Variants in ITPR2 observed in about 807,000 individuals in gnomAD.
The protein encoded by ITPR2 is inositol 1,4,5-trisphosphate receptor type 2.
In ITPR2, 207 loss-of-function variants were observed where a neutral mutation model predicts 317.1. The ratio of observed to expected loss-of-function variants is 0.65; its 90% confidence interval spans 0.58 to 0.73. ITPR2 has a LOEUF of 0.73. Ranked by LOEUF, ITPR2 falls within the 30% of genes least tolerant of loss-of-function variation. ITPR2 has a pLI of 0.00. For missense variants in ITPR2, 2,613 were observed against 3,284.0 expected, an observed-to-expected ratio of 0.80 and a Z score of 4.99; for synonymous variants, 1,156 against 1,149.1, an observed-to-expected ratio of 1.01 and a Z score of -0.12.
intron 10 of ITPR2, among the ~76,000 whole-genome samples, 153 bp from the exon 11 acceptor site, chr12:26,686,785 G>A (rs193163775): frequency 7.9e-5 from 12 of 152,276 alleles, no homozygotes; most frequent in Admixed American, 5.2e-4. Flanking sequence ...GCTCTAGCCC[G>A]ACAGCCATTG....
At chr12:26,656,580 C>CT in intron 18 of ITPR2, 32 bp from the exon 19 acceptor site, 5 of 1,608,580 alleles carry the variant, frequency 3.1e-6, no homozygotes, top group Non-Finnish European at 4.3e-6. Flanking sequence ...ACATTATTGT[C>CT]TTATCTCAAG....
intron 26 of ITPR2, among the ~76,000 whole-genome samples, chr12:26,616,584 C>T (rs1303150223): frequency 6.6e-6 from 1 of 151,970 alleles, no homozygotes; most frequent in Non-Finnish European, 1.5e-5. Context: ...AAAATTATAC[C>T]ACCAATTTTT....
chr12:26,765,064 C>T (rs554695655), intron 2 of ITPR2, among the ~76,000 whole-genome samples: 67 of 152,110 alleles, frequency 4.4e-4, no homozygotes, highest in South Asian at 1.4e-3. Context: ...TGTCAGACAA[C>T]AAGGAAGCTC....
In ITPR2 at chr12:26,415,328, C is replaced by G. The variant is rs867726500; in HGVS notation, c.7281G>C (p.Arg2427Ser). 1 of 1,601,930 alleles carries G rather than the reference C, an allele frequency of 6.2e-7. No individual in the cohort carries two copies. The highest frequency in any genetic ancestry group is 8.5e-7 in the Non-Finnish European group (1 of 1,174,906). The change falls in exon 51 of 57, where the codon AGG becomes AGC. Residue 2427 changes from arginine (R) to serine (S), a missense_variant. Coordinates refer to ENST00000381340, the MANE Select transcript of ITPR2 (RefSeq NM_002223.4). ...CTGTAACAGGAGTTCGGTTTTTCAG[C>G]CTATCAACTTCCATAGTGAAGTCAT... Reference protein sequence around the residue: ...LKDDFTMEVDRLKNRTPVTGS... With the variant: ...LKDDFTMEVDSLKNRTPVTGS...
intron 25 of ITPR2, among the ~76,000 whole-genome samples, chr12:26,621,825 AG>A (rs1406004140): frequency 1.3e-5 from 2 of 152,220 alleles, no homozygotes; most frequent in Non-Finnish European, 2.9e-5. Flanking sequence ...AAGACCACAA[AG>A]AAAAAGATTA....
chr12:26,613,257 G>T (rs1482023261), intron 26 of ITPR2, among the ~76,000 whole-genome samples: 3 of 152,036 alleles, frequency 2.0e-5, no homozygotes, highest in African/African-American at 7.3e-5. Flanking sequence ...CATTCATGTT[G>T]CCCCAAACCC....
chr12:26,772,569 A>AATACAT (rs1949889513), intron 2 of ITPR2, among the ~76,000 whole-genome samples: 1 of 141,780 alleles, frequency 7.1e-6, no homozygotes. Context: ...TATTATATAT[A>AATACAT]TATATGTATC....
In ITPR2 at chr12:26,578,696, C is replaced by T; in HGVS notation, c.4630+17G>A. 4 of 1,572,476 alleles carry T rather than the reference C, an allele frequency of 2.5e-6. No individual in the cohort carries two copies. Among genetic ancestry groups the T allele is most frequent in the Non-Finnish European group, 3.5e-6 (4 of 1,151,454 alleles). On this transcript the variant is annotated intron_variant, in intron 34 of 56. Transcript: ENST00000381340. ...TCAAGAAATGTAAAAATAAGTAAAA[C>T]TCAAACTATGACTTACCCACTTCAG... is the stretch of plus-strand genomic sequence containing the variant.
chr12:26,603,313 C>T (rs1946047817), intron 26 of ITPR2, among the ~76,000 whole-genome samples: 1 of 152,046 alleles, frequency 6.6e-6, no homozygotes, highest in South Asian at 2.1e-4. Flanking sequence ...ATTAATAAAG[C>T]TTATTAAGAA....
At chr12:26,745,674 C>CAGAGAGAA (rs1949309046) in intron 2 of ITPR2, among the ~76,000 whole-genome samples, 1 of 152,096 alleles carries the variant, frequency 6.6e-6, no homozygotes, top group Non-Finnish European at 1.5e-5. Flanking sequence ...TACTTGGTTT[C>CAGAGAGAA]AGAGAGACAG....
At position 26,628,068 on chromosome 12, in the gene ITPR2, G is replaced by A. The variant is rs201151555; in HGVS notation, c.3029C>T (p.Ser1010Phe). The change falls in exon 23 of 57, where the codon TCT becomes TTT. Residue 1010 changes from serine to phenylalanine, a missense_variant. Around this residue, in one of 9 missense-constraint regions of ITPR2, gnomAD observed 817 missense variants for 897.6 expected, o/e 0.91. Transcript: ENST00000381340. The stretch of plus-strand genomic sequence containing the variant: ...TAAAGTGTCTGGAGATCCACTGGCA[G>A]ATGTCTCCGCATTGTCATTGTCCTC... ...FGEDNDNAET[S>F]ASGSPDTLLP... is the part of the protein sequence containing the mutation. 6 of 1,613,272 alleles carry A rather than the reference G, an allele frequency of 3.7e-6. No individual in the cohort carries two copies. The highest frequency in any genetic ancestry group is 1.7e-4 in the Middle Eastern group (1 of 6,060).
At chr12:26,613,563 GACACACAC>G in intron 26 of ITPR2, among the ~76,000 whole-genome samples, 1 of 148,820 alleles carries the variant, frequency 6.7e-6, no homozygotes, top group South Asian at 2.1e-4. Flanking sequence ...ATCATACACA[GACACACAC>G]ACACACACAC....
chr12:26,435,379 A>C (rs997747003), intron 48 of ITPR2, among the ~76,000 whole-genome samples: 1 of 152,066 alleles, frequency 6.6e-6, no homozygotes, highest in African/African-American at 2.4e-5. Flanking sequence ...GTATCTCATT[A>C]AATTCTCACA....
At chr12:26,672,698 A>G (rs1438084349) in intron 13 of ITPR2, among the ~76,000 whole-genome samples, 14 of 152,108 alleles carry the variant, frequency 9.2e-5, no homozygotes, top group Non-Finnish European at 1.6e-4. Context: ...AATAACTAAA[A>G]TCAGAGCAGA....
At chr12:26,825,505 G>A (rs1022396394) in intron 1 of ITPR2, among the ~76,000 whole-genome samples, 2 of 151,936 alleles carry the variant, frequency 1.3e-5, no homozygotes, top group Non-Finnish European at 2.9e-5. Context: ...CTATCTGCAT[G>A]AGAACAGTTA....
At chr12:26,559,336 T>C (rs1279873055) in intron 35 of ITPR2, among the ~76,000 whole-genome samples, 1 of 152,218 alleles carries the variant, frequency 6.6e-6, no homozygotes, top group Non-Finnish European at 1.5e-5. Flanking sequence ...TTAAACTGAG[T>C]AGCTTATGAA....
chr12:26,483,169 AG>A (rs1225682802), intron 42 of ITPR2, among the ~76,000 whole-genome samples: 2 of 152,224 alleles, frequency 1.3e-5, no homozygotes, highest in African/African-American at 2.4e-5. Context: ...TAGTCAAAAG[AG>A]CACTCGATTT....
chr12:26,496,956 A>AG (rs1479201284), intron 37 of ITPR2, among the ~76,000 whole-genome samples: 2 of 151,360 alleles, frequency 1.3e-5, no homozygotes, highest in African/African-American at 2.4e-5. Context: ...AAAAAAAAAA[A>AG]AGAAGATCAC....
chr12:26,474,821 T>C (rs1023989591), intron 45 of ITPR2, among the ~76,000 whole-genome samples: 1 of 149,288 alleles, frequency 6.7e-6, no homozygotes, highest in Non-Finnish European at 1.5e-5. Flanking sequence ...AAAAAGAATT[T>C]AAAGTTTAGC....
Sources: allele counts gnomAD v4.1 joint callset (sites outside exome capture counted in the v4.1 genomes callset), GRCh38; gene constraint gnomAD v4.1.1; regional missense constraint gnomAD v4.1.1; transcripts MANE v1.5; gene names NCBI Gene and HGNC (gene_info 2026-07-23, HGNC 2026-07-21).